The following DENND1B variants were observed in gnomAD, a reference collection of about 807,000 sequenced individuals.
DENND1B encodes DENN domain-containing protein 1B.
Under a neutral mutation model 90.1 loss-of-function variants are expected in DENND1B, and 59 were observed. That is an observed-to-expected ratio of 0.65 (90% CI 0.53 to 0.81). DENND1B has a LOEUF of 0.81. Ranked by LOEUF, DENND1B falls within the 40% of genes least tolerant of loss-of-function variation. DENND1B has a pLI of 0.00. For synonymous variants in DENND1B, 337 were observed against 324.6 expected, an observed-to-expected ratio of 1.04 and a Z score of -0.41; for missense variants, 862 against 912.6, an observed-to-expected ratio of 0.94 and a Z score of 0.71.
chr1:197,704,908 A>G (rs1659379459), intron 3 of DENND1B, among the ~76,000 whole-genome samples: 1 of 152,180 alleles, frequency 6.6e-6, no homozygotes. Context: ...CATGTCTTCA[A>G]ATCTTAGCTC....
intron 2 of DENND1B, among the ~76,000 whole-genome samples, chr1:197,755,904 C>T (rs991879550): frequency 2.6e-5 from 4 of 152,144 alleles, no homozygotes; most frequent in Admixed American, 6.5e-5. Flanking sequence ...CATCTCCCAG[C>T]GGGTCCCTCC....
chr1:197,736,123 A>G lies in DENND1B; in HGVS notation c.83-21049T>C, dbSNP rs568510557. 63 of 675,324 alleles carry G rather than the reference A, an allele frequency of 9.3e-5. 1 individual carries two copies. In the East Asian group the frequency reaches 1.7e-3, roughly 18 times the overall value. 41.8% of individuals were successfully genotyped at this position (675,324 alleles called of 1,614,324 possible). On this transcript the variant is annotated intron_variant, in intron 2 of 22. Transcript: ENST00000620048. Reference sequence around the variant, plus strand: ...GGAAAACGCTAAACTGGCAGATTAGATTTTTAAATAAATATTGGACTTAAA... The same window carrying G: ...GGAAAACGCTAAACTGGCAGATTAGGTTTTTAAATAAATATTGGACTTAAA...
intron 2 of DENND1B, among the ~76,000 whole-genome samples, chr1:197,748,675 T>C (rs947296958): frequency 1.3e-5 from 2 of 152,078 alleles, no homozygotes; most frequent in African/African-American, 4.8e-5. Flanking sequence ...CCTTAGAAGC[T>C]GAAAAAGGAA....
chr1:197,649,057 T>C (rs1256581261), intron 7 of DENND1B, among the ~76,000 whole-genome samples: 3 of 152,160 alleles, frequency 2.0e-5, no homozygotes, highest in Non-Finnish European at 2.9e-5. Flanking sequence ...TTAAGTTGTA[T>C]GACAAGAGGT....
intron 2 of DENND1B, among the ~76,000 whole-genome samples, chr1:197,722,065 T>A (rs1307030181): frequency 6.6e-6 from 1 of 152,162 alleles, no homozygotes; most frequent in Non-Finnish European, 1.5e-5. Flanking sequence ...CTCAGACATG[T>A]GAGAAAATTT....
chr1:197,706,375 G>T (rs913551185), intron 3 of DENND1B, among the ~76,000 whole-genome samples: 6 of 152,156 alleles, frequency 3.9e-5, no homozygotes, highest in African/African-American at 1.4e-4. Context: ...GTTGGGCAAA[G>T]ATTTCATAAA....
Position 197,548,216 on chromosome 1 carries a change from C to G in DENND1B, c.1241-1443G>C, listed in dbSNP as rs946472905. ...TAATTTTCAGCTCTGTACAAGTCATCGCATGTTTTTATCTACATTATTTGA... is the reference window on the plus strand; with the variant it reads ...TAATTTTCAGCTCTGTACAAGTCATGGCATGTTTTTATCTACATTATTTGA... On this transcript the variant is annotated intron_variant, in intron 16 of 22. Transcript: ENST00000620048. Among the ~76,000 whole-genome samples the G allele has an allele frequency of 3.3e-5, 5 of 152,124 alleles. No homozygotes were observed. The East Asian group carries it at 5.8e-4, about 18-fold the overall frequency.
chr1:197,777,819 A>T (rs1558511839), upstream of DENND1B, among the ~76,000 whole-genome samples: 1 of 152,054 alleles, frequency 6.6e-6, no homozygotes, highest in African/African-American at 2.4e-5. Flanking sequence ...AATTTAGTTA[A>T]TTTTTTAAAT....
At chr1:197,681,189 A>C (rs938084139) in intron 3 of DENND1B, among the ~76,000 whole-genome samples, 3 of 152,146 alleles carry the variant, frequency 2.0e-5, no homozygotes, top group African/African-American at 7.2e-5. Flanking sequence ...AGATTTTTTC[A>C]TGCATTTTGT....
In DENND1B at chr1:197,545,938, C is replaced by T. The variant is rs368762010; in HGVS notation, c.1334G>A (p.Arg445Gln). 1.2e-5 allele frequency: 19 copies of T among 1,602,594 alleles called. No individual in the cohort carries two copies. The highest frequency in any genetic ancestry group is 5.4e-5 in the African/African-American group (4 of 74,182). ...AAAACTTACAAATTTATATGCTGTC[C>T]GTACAGCAGGGGTTGCTTTGGTCAT... ...TAMTKATPAVRTAYKFAKNHA... is the reference protein window; with the variant it reads ...TAMTKATPAVQTAYKFAKNHA... Residue 445 changes from arginine to glutamine, a missense_variant, in exon 18 of 23, where the codon CGG becomes CAG. Coordinates refer to ENST00000620048, the MANE Select transcript of DENND1B (RefSeq NM_001195215.2).
chr1:197,718,762 T>C (rs996331301), intron 2 of DENND1B, among the ~76,000 whole-genome samples: 10 of 152,052 alleles, frequency 6.6e-5, no homozygotes, highest in Non-Finnish European at 1.2e-4. Context: ...AGAACCAATA[T>C]GCATGACATC....
intron 2 of DENND1B, among the ~76,000 whole-genome samples, chr1:197,758,358 A>T (rs543644187): frequency 6.6e-6 from 1 of 152,184 alleles, no homozygotes; most frequent in African/African-American, 2.4e-5. Context: ...ACATACATCA[A>T]AATAGGAGGA....
intron 3 of DENND1B, among the ~76,000 whole-genome samples, chr1:197,675,432 G>A (rs1655956525): frequency 6.6e-6 from 1 of 151,502 alleles, no homozygotes; most frequent in African/African-American, 2.4e-5. Flanking sequence ...GAAAGAAAAG[G>A]ATCTTGTAAA....
At chr1:197,607,929 T>A (rs1255038909) in intron 12 of DENND1B, among the ~76,000 whole-genome samples, 1 of 150,720 alleles carries the variant, frequency 6.6e-6, no homozygotes, top group South Asian at 2.1e-4. Context: ...ATAGGTATAC[T>A]TAATTCATAT....
At chr1:197,541,109 A>T in intron 18 of DENND1B, 94 bp from the exon 19 acceptor site, 1 of 1,085,558 alleles carries the variant, frequency 9.2e-7, no homozygotes, top group Non-Finnish European at 1.4e-6. Flanking sequence ...CAATTACTAA[A>T]TATTCATATG....
Position 197,754,659 on chromosome 1 carries a change from C to CAA in DENND1B, c.82+18207_82+18208dup, listed in dbSNP as rs57926782. On this transcript the variant is annotated intron_variant, in intron 2 of 22. Coordinates refer to ENST00000620048, the MANE Select transcript of DENND1B (RefSeq NM_001195215.2). ...TGGGCAACAATGCGAGACTCTGTCT[C>CAA]AAAAAAAAAAAAAAAAAAAAAAAAA... 3.6e-4 allele frequency among the ~76,000 whole-genome samples: 26 copies of CAA among 72,874 alleles called. 1 individual carries two copies. The highest frequency in any genetic ancestry group is 1.0e-3 in the African/African-American group (18 of 18,082). 47.8% of individuals were successfully genotyped at this position (72,874 alleles called of 152,430 possible).
chr1:197,600,983 T>G (rs1288511058), intron 13 of DENND1B, among the ~76,000 whole-genome samples: 1 of 151,440 alleles, frequency 6.6e-6, no homozygotes, highest in Non-Finnish European at 1.5e-5. Flanking sequence ...GAGACACACA[T>G]GGTTTTTTTC....
chr1:197,655,587 G>C (rs1001228599), intron 6 of DENND1B, among the ~76,000 whole-genome samples: 12 of 150,898 alleles, frequency 8.0e-5, no homozygotes, highest in Middle Eastern at 6.9e-3. Flanking sequence ...GCTGGAGTGC[G>C]CTGGCGCGAT....
In DENND1B at chr1:197,507,749, T is replaced by C. The variant is rs1667794914; in HGVS notation, c.*2711A>G. 6.6e-6 allele frequency: 1 copy of C among 151,632 alleles called. No individual in the cohort carries two copies. The highest frequency in any genetic ancestry group is 6.6e-5 in the Admixed American group (1 of 15,174). The allele number at this position is 151,632 out of a possible 1,614,324, so 9.4% of individuals were successfully genotyped here. On this transcript the variant is annotated 3_prime_UTR_variant, in exon 23 of 23. Transcript: ENST00000620048. ...GTAGAATATAACACTTTCCTTTATT[T>C]CGGAACTCACCCAGTTTAATTTCAT...
Sources: gnomAD v4.1 joint callset for allele counts (sites outside exome capture counted in the v4.1 genomes callset) on GRCh38, gnomAD v4.1.1 for gene constraint, MANE v1.5 for transcripts, NCBI Gene and HGNC (gene_info 2026-07-23, HGNC 2026-07-21) for gene names.